The following ROBO1 variants were observed in gnomAD, a reference collection of about 807,000 sequenced individuals.
ROBO1 encodes the protein roundabout guidance receptor 1.
A neutral mutation model predicts 195.9 loss-of-function variants in ROBO1; 149 were observed. The ratio of observed to expected loss-of-function variants is 0.76; its 90% CI spans 0.67 to 0.87. The LOEUF is 0.87. Ranked by LOEUF, ROBO1 falls within the 40% of genes least tolerant of loss-of-function variation. The pLI, the probability that ROBO1 is intolerant of heterozygous loss-of-function variation, is 0.00. For synonymous variants in ROBO1, 816 were observed against 733.2 expected, an observed-to-expected ratio of 1.11 and a Z score of -1.82; for missense variants, 1,933 against 2,068.3, an observed-to-expected ratio of 0.93 and a Z score of 1.27.
At chr3:79,562,014 A>G (rs1045494372) in intron 2 of ROBO1, among the ~76,000 whole-genome samples, 1 of 152,138 alleles carries the variant, frequency 6.6e-6, no homozygotes, top group Non-Finnish European at 1.5e-5. Context: ...GACAAATGAT[A>G]GCTGGTTTTA....
At chr3:78,622,341 C>T (rs541807393) in intron 26 of ROBO1, among the ~76,000 whole-genome samples, 6 of 152,190 alleles carry the variant, frequency 3.9e-5, no homozygotes, top group African/African-American at 9.6e-5. Context: ...ATCTGCACCC[C>T]TTATCAATAA....
At chr3:79,051,950 G>T (rs2078707402) in intron 3 of ROBO1, among the ~76,000 whole-genome samples, 1 of 152,006 alleles carries the variant, frequency 6.6e-6, no homozygotes, top group African/African-American at 2.4e-5. Flanking sequence ...AGGACCCTGT[G>T]ATGAGTGCAT....
chr3:78,795,331 T>A (rs947454517), intron 4 of ROBO1, among the ~76,000 whole-genome samples: 1 of 152,194 alleles, frequency 6.6e-6, no homozygotes, highest in African/African-American at 2.4e-5. Flanking sequence ...CTTAATACAA[T>A]CTCAAGAAAC....
intron 10 of ROBO1, among the ~76,000 whole-genome samples, chr3:78,684,633 G>T (rs564556985): frequency 6.6e-6 from 1 of 152,072 alleles, no homozygotes; most frequent in Non-Finnish European, 1.5e-5. Context: ...TTAGTAGGCT[G>T]TTACAATTTC....
chr3:79,050,473 A>G (rs1290869373), intron 3 of ROBO1, among the ~76,000 whole-genome samples: 1 of 152,094 alleles, frequency 6.6e-6, no homozygotes, highest in African/African-American at 2.4e-5. Flanking sequence ...CCCACTACCA[A>G]TATTAGACAG....
chr3:79,597,989 T>C (rs1035761355), intron 1 of ROBO1, among the ~76,000 whole-genome samples: 8 of 152,058 alleles, frequency 5.3e-5, no homozygotes, highest in African/African-American at 1.9e-4. Flanking sequence ...ATGGGCCTTA[T>C]TTCCAATTAA....
chr3:79,237,413 G>A lies in ROBO1; in HGVS notation c.89-111874C>T, dbSNP rs370813470. Among the ~76,000 whole-genome samples, 280 of 151,870 alleles carry A rather than the reference G, an allele frequency of 1.8e-3. 1 individual carries two copies. Among genetic ancestry groups the A allele is most frequent in the African/African-American group, 6.3e-3 (260 of 41,396 alleles). Reference sequence around the variant, plus strand: ...GGAGAATGGCGGGAACCCAGGAGGCGGAGCTTGCAGTGAGCCGAGATTGCA... The same window carrying A: ...GGAGAATGGCGGGAACCCAGGAGGCAGAGCTTGCAGTGAGCCGAGATTGCA... On this transcript the variant is annotated intron_variant, in intron 2 of 30. Coordinates refer to ENST00000464233, the MANE Select transcript of ROBO1 (RefSeq NM_002941.4).
intron 2 of ROBO1, among the ~76,000 whole-genome samples, chr3:79,271,180 T>C (rs1177588847): frequency 6.6e-6 from 1 of 152,044 alleles, no homozygotes; most frequent in African/African-American, 2.4e-5. Context: ...TCTTTACTTC[T>C]TCTCATCTCT....
At chr3:79,412,544 G>T (rs2106866756) in intron 2 of ROBO1, among the ~76,000 whole-genome samples, 1 of 152,196 alleles carries the variant, frequency 6.6e-6, no homozygotes, top group South Asian at 2.1e-4. Flanking sequence ...AATCCCACTT[G>T]TTCACAGAGC....
rs544961715 is a variant in ROBO1 at position 79,142,491 on chromosome 3, C to G, written c.89-16952G>C. 2.0e-5 allele frequency among the ~76,000 whole-genome samples: 3 copies of G among 152,252 alleles called. No homozygotes were observed. In the South Asian group the frequency reaches 6.2e-4, roughly 32 times the overall value. On this transcript the variant is annotated intron_variant, in intron 2 of 30. Coordinates refer to ENST00000464233, the MANE Select transcript of ROBO1 (RefSeq NM_002941.4). ...TAATTCCTTCCTTCTGCACCCTCTGCTTTATAATTCATAATACACTTAATT... is the reference window on the plus strand; with the variant it reads ...TAATTCCTTCCTTCTGCACCCTCTGGTTTATAATTCATAATACACTTAATT...
intron 2 of ROBO1, among the ~76,000 whole-genome samples, chr3:79,584,589 T>A (rs1431737173): frequency 6.7e-6 from 1 of 149,646 alleles, no homozygotes; most frequent in Non-Finnish European, 1.5e-5. Flanking sequence ...ACAAGAGACC[T>A]CCATGATTTG....
intron 2 of ROBO1, among the ~76,000 whole-genome samples, chr3:79,474,584 T>G (rs956226283): frequency 1.6e-4 from 24 of 152,122 alleles, no homozygotes; most frequent in African/African-American, 5.8e-4. Flanking sequence ...ATCTCCTTAC[T>G]TTGTGCTTTA....
Position 79,572,449 on chromosome 3 carries a change from A to T in ROBO1, c.88+17375T>A, listed in dbSNP as rs1428348212. ...TATAATTTTTAACATTGCCATGTCAAATTAATAAAAACTAAGAGAAGGTGT... is the reference window on the plus strand; with the variant it reads ...TATAATTTTTAACATTGCCATGTCATATTAATAAAAACTAAGAGAAGGTGT... On this transcript the variant is annotated intron_variant, in intron 2 of 30. Transcript: ENST00000464233. 2.0e-5 allele frequency among the ~76,000 whole-genome samples: 3 copies of T among 152,078 alleles called. No individual in the cohort carries two copies. In the East Asian group the frequency reaches 5.8e-4, roughly 29 times the overall value.
chr3:79,495,756 T>A (rs1169257093), intron 2 of ROBO1, among the ~76,000 whole-genome samples: 2 of 152,210 alleles, frequency 1.3e-5, no homozygotes, highest in African/African-American at 4.8e-5. Flanking sequence ...TTTCTGTATC[T>A]CTTTTTCCTT....
At chr3:79,368,532 G>A (rs906634673) in intron 2 of ROBO1, among the ~76,000 whole-genome samples, 4 of 152,044 alleles carry the variant, frequency 2.6e-5, no homozygotes, top group Non-Finnish European at 5.9e-5. Context: ...GCTCTGAGCT[G>A]TTAGGTACTA....
chr3:79,732,427 T>A (rs1703193032), intron 1 of ROBO1, among the ~76,000 whole-genome samples: 1 of 152,150 alleles, frequency 6.6e-6, no homozygotes, highest in Non-Finnish European at 1.5e-5. Flanking sequence ...GAATAGCTGT[T>A]CCTCAGTCAG....
intron 1 of ROBO1, among the ~76,000 whole-genome samples, chr3:79,702,699 C>T (rs998085697): frequency 6.6e-6 from 1 of 151,962 alleles, no homozygotes; most frequent in African/African-American, 2.4e-5. Flanking sequence ...AACTAGTAAG[C>T]AACAGAGTCA....
intron 4 of ROBO1, among the ~76,000 whole-genome samples, chr3:78,879,082 T>C (rs1017673112): frequency 1.3e-5 from 2 of 152,228 alleles, no homozygotes; most frequent in Admixed American, 6.5e-5. Context: ...CACTGTGTTC[T>C]ACTATACTTC....
intron 4 of ROBO1, among the ~76,000 whole-genome samples, chr3:78,870,046 C>T (rs905199697): frequency 6.6e-6 from 1 of 152,166 alleles, no homozygotes; most frequent in Admixed American, 6.6e-5. Context: ...TAAGTTGATA[C>T]CATGGCAACA....
Sources: allele counts gnomAD v4.1 joint callset (sites outside exome capture counted in the v4.1 genomes callset), GRCh38; gene constraint gnomAD v4.1.1; transcripts MANE v1.5; gene names NCBI Gene and HGNC (gene_info 2026-07-23, HGNC 2026-07-21).